The following COX7A2L variants were observed in gnomAD, a reference collection of about 807,000 sequenced individuals.
COX7A2L encodes the protein cytochrome c oxidase subunit 7A2 like.
Under a neutral mutation model 14.2 loss-of-function variants are expected in COX7A2L, and 18 were observed. The ratio of observed to expected loss-of-function variants is 1.27; its 90% CI spans 0.88 to 1.88. The LOEUF is 1.88. COX7A2L is among the 40% of genes most tolerant of loss of function. The pLI is 0.00. For missense variants in COX7A2L, 179 were observed against 138.8 expected (o/e 1.29, Z -1.46); for synonymous variants, 65 against 57.4 (o/e 1.13, Z -0.60).
chr2:42,365,784 G>C (rs1172604346), upstream of COX7A2L: 1 of 152,206 alleles, frequency 6.6e-6, no homozygotes, highest in Non-Finnish European at 1.5e-5. Context: ...CCTCTTAAGT[G>C]ACAGTGTCCA....
At position 42,351,298 on chromosome 2, in the gene COX7A2L, G is replaced by A; in HGVS notation, c.266C>T (p.Thr89Ile). 3 of 1,614,192 alleles carry A rather than the reference G, an allele frequency of 1.9e-6. No homozygotes were observed. Among genetic ancestry groups the A allele is most frequent in the South Asian group, 1.1e-5 (1 of 91,084 alleles). The stretch of plus-strand genomic sequence containing the variant: ...CCCTCCCACAGTCAGCGCCATGGTG[G>A]TCCGGTAAAGCATTTGGTCAGGCAG... ...RGLPDQMLYR[T>I]TMALTVGGTI... The change falls in exon 3 of 3, where the codon ACC becomes ATC. Residue 89 changes from threonine (T) to isoleucine (I), a missense_variant. Transcript: ENST00000234301.
chr2:42,361,019 G>A lies in COX7A2L; in HGVS notation c.72+71C>T, dbSNP rs764630652. The A allele has an allele frequency of 8.4e-6, 13 of 1,550,558 alleles. No homozygotes were observed. In the East Asian group the frequency reaches 1.4e-4, roughly 16 times the overall value. ...GGCAGAAGCCTCCCCTGGCTCCAAC[G>A]CCGCGACTGCCTGTCGCCGAGGCTA... On this transcript the variant is annotated intron_variant, in intron 1 of 2. Transcript: ENST00000234301.
chr2:42,338,134 T>C lies in COX7A2L; in HGVS notation c.193-4265A>G, dbSNP rs1477886988. Among the ~76,000 whole-genome samples, 1 of 152,174 alleles carries C rather than the reference T, an allele frequency of 6.6e-6. No individual in the cohort carries two copies. Among genetic ancestry groups the C allele is most frequent in the Admixed American group, 6.5e-5 (1 of 15,288 alleles). On this transcript the variant is annotated intron_variant, in intron 2 of 2. Transcript: ENST00000468711. The surrounding 1 kb of genome is among the most constrained non-coding windows in gnomAD (Gnocchi z 4.4). ...CCTCCGATGACGGTTGGTTGGTCCATAACCCTACTCCCCATGCTCCTGGCC... is the reference window on the plus strand; with the variant it reads ...CCTCCGATGACGGTTGGTTGGTCCACAACCCTACTCCCCATGCTCCTGGCC...
intron 2 of COX7A2L, among the ~76,000 whole-genome samples, chr2:42,335,757 C>G (rs1438018080): frequency 6.6e-6 from 1 of 152,176 alleles, no homozygotes; most frequent in East Asian, 1.9e-4. Flanking sequence ...TGTAAAATAA[C>G]AATGGTTGTT....
chr2:42,358,299 A>G (rs1173515912), intron 1 of COX7A2L, among the ~76,000 whole-genome samples: 2 of 152,236 alleles, frequency 1.3e-5, no homozygotes, highest in Non-Finnish European at 2.9e-5. Flanking sequence ...ATTCAGAGAA[A>G]GGTAAGGAAG....
intron 1 of COX7A2L, among the ~76,000 whole-genome samples, chr2:42,354,677 T>C (rs182476419): frequency 6.6e-6 from 1 of 152,338 alleles, no homozygotes; most frequent in Admixed American, 6.5e-5. Context: ...AAACTTGGCT[T>C]CTATTTCTTC....
chr2:42,343,087 G>A (rs948456526), intron 2 of COX7A2L, among the ~76,000 whole-genome samples: 2 of 152,170 alleles, frequency 1.3e-5, no homozygotes, highest in African/African-American at 4.8e-5. Flanking sequence ...GCAAGAGTCA[G>A]CTGCTGCCGC....
chr2:42,362,039 T>C (rs1671069194), upstream of COX7A2L, among the ~76,000 whole-genome samples: 1 of 152,116 alleles, frequency 6.6e-6, no homozygotes, highest in Non-Finnish European at 1.5e-5. Context: ...TCAGAACTGG[T>C]TTTTATTCTC....
chr2:42,336,504 T>C (rs557690608), intron 2 of COX7A2L, among the ~76,000 whole-genome samples: 1 of 152,260 alleles, frequency 6.6e-6, no homozygotes, highest in African/African-American at 2.4e-5. Flanking sequence ...ATGCAAAGCC[T>C]TCAGCCTGGT....
intron 1 of COX7A2L, among the ~76,000 whole-genome samples, chr2:42,357,762 C>G (rs1015660823): frequency 5.3e-5 from 8 of 152,086 alleles, no homozygotes; most frequent in Non-Finnish European, 7.4e-5. Flanking sequence ...CATGCTGAAG[C>G]CCTCCCTCCT....
upstream of COX7A2L, among the ~76,000 whole-genome samples, chr2:42,362,499 G>A (rs961186616): frequency 6.6e-6 from 1 of 152,186 alleles, no homozygotes; most frequent in Non-Finnish European, 1.5e-5. Context: ...AATGACGCCT[G>A]GAGAAGCTAA....
At position 42,361,071 on chromosome 2, in the gene COX7A2L, G is replaced by A; in HGVS notation, c.72+19C>T. ...GGCCGCCACTTCTCATGTCCGAGCT[G>A]GCCAGGCGCCACTCGTACCTGCGGG... On this transcript the variant is annotated intron_variant, in intron 1 of 2. Coordinates refer to ENST00000234301, the MANE Select transcript of COX7A2L (RefSeq NM_004718.4). 1 of 1,612,568 alleles carries A rather than the reference G, an allele frequency of 6.2e-7. No homozygotes were observed. The highest frequency in any genetic ancestry group is 8.5e-7 in the Non-Finnish European group (1 of 1,179,402).
intron 1 of COX7A2L, among the ~76,000 whole-genome samples, chr2:42,366,750 G>A (rs1671172219): frequency 6.6e-6 from 1 of 152,194 alleles, no homozygotes; most frequent in South Asian, 2.1e-4. Context: ...GTCTATGTTT[G>A]TATAAAGTTA....
intron 2 of COX7A2L, chr2:42,352,965 T>C (rs1190636415): frequency 1.3e-5 from 7 of 549,764 alleles, no homozygotes; most frequent in Non-Finnish European, 2.2e-5. Context: ...TCAAGAGCTA[T>C]TCATGCCATT....
intron 2 of COX7A2L, among the ~76,000 whole-genome samples, chr2:42,340,353 T>A (rs910431333): frequency 2.0e-5 from 3 of 152,186 alleles, no homozygotes; most frequent in African/African-American, 7.2e-5. Flanking sequence ...CAGGCCCCCA[T>A]CAGCTCTCAT....
At chr2:42,364,625 G>T (rs1671124082), upstream of COX7A2L, among the ~76,000 whole-genome samples, 1 of 152,176 alleles carries the variant, frequency 6.6e-6, no homozygotes, top group Non-Finnish European at 1.5e-5. Flanking sequence ...AATCTCAGCT[G>T]TCATCTCTTA....
At position 42,335,670 on chromosome 2, in the gene COX7A2L, G is replaced by C. The variant is rs114739852; in HGVS notation, c.193-1801C>G. Among the ~76,000 whole-genome samples the C allele has an allele frequency of 2.7e-3, 414 of 152,334 alleles. 3 individuals carry two copies. Among genetic ancestry groups the C allele is most frequent in the African/African-American group, 8.9e-3 (370 of 41,572 alleles). ...CACAGAAGCCGACTGGCTGAGTTAC[G>C]AGTTGAAGCCAGGTACTCCCGCCTC... On this transcript the variant is annotated intron_variant, in intron 2 of 2. Transcript: ENST00000468711.
chr2:42,366,334 G>A (rs1467674908), intron 1 of COX7A2L, among the ~76,000 whole-genome samples: 3 of 152,212 alleles, frequency 2.0e-5, no homozygotes, highest in African/African-American at 7.2e-5. Context: ...TAAGGTGGGA[G>A]GATCACCTGA....
At chr2:42,359,514 A>C (rs1284769590) in intron 1 of COX7A2L, 2 of 152,182 alleles carry the variant, frequency 1.3e-5, no homozygotes, top group African/African-American at 4.8e-5. Context: ...TTTCTCACAT[A>C]ATCTGTAAAA....
Sources: gnomAD v4.1 joint callset for allele counts (sites outside exome capture counted in the v4.1 genomes callset) on GRCh38, gnomAD v4.1.1 for gene constraint, Gnocchi (gnomAD v3.1) non-coding constraint, MANE v1.5 for transcripts, NCBI Gene and HGNC (gene_info 2026-07-23, HGNC 2026-07-21) for gene names.